GRIN2B: variants seen among roughly 807,000 people sequenced by gnomAD.
GRIN2B encodes the protein glutamate receptor ionotropic, NMDA 2B.
A neutral mutation model predicts 114.5 loss-of-function variants in GRIN2B; 5 were observed. That is an observed-to-expected ratio of 0.04 (90% confidence interval 0.02 to 0.09). GRIN2B has a LOEUF of 0.09. Among genes scored for constraint, GRIN2B ranks in the 10% least tolerant of loss-of-function variants. The probability of loss-of-function intolerance (pLI) is 1.00; values close to 1 mark genes in which losing one functional copy is unlikely to be tolerated. For missense variants in GRIN2B, 1,108 were observed against 1,943.5 expected (o/e 0.57, Z 8.08); for synonymous variants, 787 against 745.1 (o/e 1.06, Z -0.92).
At chr12:13,801,369 C>T (rs1864509654) in intron 3 of GRIN2B, among the ~76,000 whole-genome samples, 1 of 151,918 alleles carries the variant, frequency 6.6e-6, no homozygotes, top group African/African-American at 2.4e-5. Context: ...ATTTTTTCAT[C>T]CCTATATCTT....
chr12:13,706,265 A>G (rs1950359076), intron 4 of GRIN2B, among the ~76,000 whole-genome samples: 1 of 152,148 alleles, frequency 6.6e-6, no homozygotes, highest in African/African-American at 2.4e-5. Flanking sequence ...GCTGGAAAAC[A>G]GCAGGGATTA....
At chr12:13,729,939 T>G (rs1863056360) in intron 4 of GRIN2B, among the ~76,000 whole-genome samples, 1 of 151,544 alleles carries the variant, frequency 6.6e-6, no homozygotes, top group South Asian at 2.1e-4. Context: ...GCAAAAAATC[T>G]AAATTGTCAG....
At chr12:13,851,943 G>C (rs887608499) in intron 3 of GRIN2B, among the ~76,000 whole-genome samples, 12 of 152,132 alleles carry the variant, frequency 7.9e-5, no homozygotes, top group African/African-American at 2.7e-4. Flanking sequence ...GGAGGAGGAG[G>C]GTGGGTGGGT....
intron 5 of GRIN2B, among the ~76,000 whole-genome samples, chr12:13,642,545 C>T (rs1040979695): frequency 1.3e-5 from 2 of 152,142 alleles, no homozygotes; most frequent in African/African-American, 4.8e-5. Flanking sequence ...TACATGTATA[C>T]TTTGATTATA....
chr12:13,755,805 T>C (rs1049026347), intron 3 of GRIN2B, among the ~76,000 whole-genome samples: 1 of 152,168 alleles, frequency 6.6e-6, no homozygotes, highest in African/African-American at 2.4e-5. Context: ...AAGGTGATGG[T>C]ATCTGATGGT....
At chr12:13,812,941 T>TC (rs1421720876) in intron 3 of GRIN2B, among the ~76,000 whole-genome samples, 2 of 149,158 alleles carry the variant, frequency 1.3e-5, no homozygotes, top group Admixed American at 6.7e-5. Context: ...TTTTTTTTTT[T>TC]TTTTTTTTTT....
intron 5 of GRIN2B, among the ~76,000 whole-genome samples, chr12:13,626,112 G>A (rs1327227908): frequency 6.6e-6 from 1 of 152,052 alleles, no homozygotes; most frequent in African/African-American, 2.4e-5. Flanking sequence ...AGTGAGAACC[G>A]AGCTCTACCT....
chr12:13,978,152 C>G (rs143470690), intron 2 of GRIN2B, among the ~76,000 whole-genome samples: 2 of 152,206 alleles, frequency 1.3e-5, no homozygotes, highest in South Asian at 2.1e-4. Context: ...ATGCCCTCCT[C>G]TCCTTGTCCA....
intron 3 of GRIN2B, among the ~76,000 whole-genome samples, chr12:13,760,063 C>A (rs1037916856): frequency 1.1e-4 from 17 of 152,222 alleles, no homozygotes; most frequent in Non-Finnish European, 1.8e-4. Flanking sequence ...CTGACCACAA[C>A]ACGGAATGCT....
intron 2 of GRIN2B, among the ~76,000 whole-genome samples, chr12:13,915,872 T>C (rs1037922396): frequency 2.6e-5 from 4 of 151,970 alleles, no homozygotes; most frequent in African/African-American, 9.7e-5. Flanking sequence ...GGCAGGAAAA[T>C]GAGATCACTC....
At chr12:13,898,350 C>G (rs1205892443) in intron 2 of GRIN2B, among the ~76,000 whole-genome samples, 2 of 152,176 alleles carry the variant, frequency 1.3e-5, no homozygotes, top group Non-Finnish European at 2.9e-5. Context: ...ACACATATAA[C>G]TGCATTTAAT....
chr12:13,600,334 C>A (rs1266705229), intron 10 of GRIN2B, among the ~76,000 whole-genome samples: 1 of 152,190 alleles, frequency 6.6e-6, no homozygotes, highest in Non-Finnish European at 1.5e-5. Context: ...AAGCCAAATT[C>A]TTTACCCAGG....
At chr12:13,622,357 A>C (rs1194149184) in intron 5 of GRIN2B, among the ~76,000 whole-genome samples, 1 of 152,122 alleles carries the variant, frequency 6.6e-6, no homozygotes, top group Non-Finnish European at 1.5e-5. Flanking sequence ...AAGGCAGCCT[A>C]AATTCTGCAT....
chr12:13,755,412 AC>A (rs1343364451), intron 3 of GRIN2B, among the ~76,000 whole-genome samples: 4 of 152,148 alleles, frequency 2.6e-5, no homozygotes, highest in Non-Finnish European at 5.9e-5. Flanking sequence ...TCCACAGGCT[AC>A]CCAGAATGAA....
chr12:13,789,733 A>AT (rs900865791), intron 3 of GRIN2B, among the ~76,000 whole-genome samples: 32 of 152,138 alleles, frequency 2.1e-4, no homozygotes, highest in Admixed American at 1.2e-3. Context: ...GTTACTTGCT[A>AT]TTTTTTTAAG....
Position 13,567,094 on chromosome 12 carries a change from A to G in GRIN2B, c.2529T>C (p.Tyr843=). The G allele has an allele frequency of 2.5e-6, 4 of 1,614,210 alleles. 1 individual carries two copies. The South Asian group carries it at 4.4e-5, about 18-fold the overall frequency. The part of the protein sequence containing the change: ...LITFICEHLF[Y]WQFRHCFMGV... ...CCATAAAGCAATGTCGGAACTGCCA[A>G]TAGAAAAGGTGTTCGCAGATGAAGG... Residue 843 remains tyrosine, a synonymous_variant, in exon 13 of 14, where the codon TAT becomes TAC. Transcript: ENST00000609686.
In GRIN2B at chr12:13,813,878, T is replaced by C. The variant is rs546626905; in HGVS notation, c.411+51920A>G. On this transcript the variant is annotated intron_variant, in intron 3 of 13. Transcript: ENST00000609686. ...TCTTTTTTCCTTGCTTTTCATTAAG[T>C]TGAACAGCCTTACTTTTGGAGATAT... 2.0e-5 allele frequency among the ~76,000 whole-genome samples: 3 copies of C among 152,350 alleles called. No homozygotes were observed. The East Asian group carries it at 5.8e-4, about 29-fold the overall frequency.
chr12:13,972,797 A>C (rs186720242), intron 2 of GRIN2B, among the ~76,000 whole-genome samples: 2 of 152,366 alleles, frequency 1.3e-5, no homozygotes, highest in African/African-American at 4.8e-5. Flanking sequence ...TGTGCCACAC[A>C]CAGAGACCAC....
chr12:13,571,745 G>C, intron 11 of GRIN2B, 59 bp downstream of exon 11: 1 of 1,558,132 alleles, frequency 6.4e-7, no homozygotes, highest in Non-Finnish European at 8.9e-7. Context: ...TGATTCAATA[G>C]TATGCTTAAT....
Sources: gnomAD v4.1 joint callset for allele counts (sites outside exome capture counted in the v4.1 genomes callset) on GRCh38, gnomAD v4.1.1 for gene constraint, MANE v1.5 for transcripts, NCBI Gene and HGNC (gene_info 2026-07-23, HGNC 2026-07-21) for gene names.